TMEM132E: variants seen among roughly 807,000 people sequenced by gnomAD.
TMEM132E encodes transmembrane protein 132E.
Under a neutral mutation model 78.5 loss-of-function variants are expected in TMEM132E, and 49 were observed. That is an observed-to-expected ratio of 0.62 (90% CI 0.50 to 0.79). The LOEUF is 0.79. TMEM132E is among the 30% of genes least tolerant of loss of function. The pLI is 0.00. For missense variants in TMEM132E, 1,403 were observed against 1,470.9 expected, an observed-to-expected ratio of 0.95 and a Z score of 0.75; for synonymous variants, 715 against 670.6, an observed-to-expected ratio of 1.07 and a Z score of -1.02.
At chr17:34,625,978 A>G (rs1907102082) in intron 1 of TMEM132E, 149 bp from the exon 2 acceptor site, 2 of 729,336 alleles carry the variant, frequency 2.7e-6, no homozygotes, top group Non-Finnish European at 4.3e-6. Context: ...GTTGGGGCCC[A>G]CCGGAGGATG....
In TMEM132E at chr17:34,626,443, C is replaced by T. The variant is rs1907131245; in HGVS notation, c.384C>T (p.Ala128=). The T allele has an allele frequency of 9.9e-6, 16 of 1,613,264 alleles. No individual in the cohort carries two copies. Among genetic ancestry groups the T allele is most frequent in the Non-Finnish European group, 1.4e-5 (16 of 1,179,836 alleles). ...TGACGGTGAACTGGAAGGTGCGGGC[C>T]TTCATCGTCCGCTCGCACGTGCCCG... ...ERLTVNWKVR[A]FIVRSHVPAS... is the part of the protein sequence containing the mutation. The change falls in exon 2 of 9, where the codon GCC becomes GCT. Residue 128 remains alanine, a synonymous_variant. Coordinates refer to ENST00000631683, the MANE Select transcript of TMEM132E (RefSeq NM_001304438.2).
chr17:34,608,438 G>C (rs1326433794), intron 1 of TMEM132E, among the ~76,000 whole-genome samples: 1 of 152,200 alleles, frequency 6.6e-6, no homozygotes, highest in East Asian at 1.9e-4. Context: ...TATTCTCATG[G>C]GAGAATGGAA....
rs765080075 is a variant in TMEM132E, at chr17:34,632,902, G to C, written c.1681G>C (p.Asp561His). ...VKGWRVPILP[D>H]RRSVRESEDE... is the part of the protein sequence containing the mutation. ...GGGCTGGAGGGTACCTATCCTCCCCGACCGGAGGTACAGCCCCTCTCCCAT... is the reference window on the plus strand; with the variant it reads ...GGGCTGGAGGGTACCTATCCTCCCCCACCGGAGGTACAGCCCCTCTCCCAT... The change falls in exon 6 of 9, where the codon GAC (aspartate) becomes CAC (histidine). Residue 561 changes from aspartate (D) to histidine (H), a missense_variant. Physicochemically the swap from Asp to His is moderately conservative, Grantham distance 81 (BLOSUM62 -1). This residue lies in a region of TMEM132E where 888 missense variants were observed against 952.8 expected (regional missense o/e 0.93). Coordinates refer to ENST00000631683, the MANE Select transcript of TMEM132E (RefSeq NM_001304438.2). 6.2e-7 allele frequency: 1 copy of C among 1,613,878 alleles called. No homozygotes were observed. The highest frequency in any genetic ancestry group is 1.3e-5 in the African/African-American group (1 of 74,922).
rs991681478 is a variant in TMEM132E, at chr17:34,637,092, C to T, written c.2170-85C>T. On this transcript the variant is annotated intron_variant, in intron 8 of 8. Coordinates refer to ENST00000631683, the MANE Select transcript of TMEM132E (RefSeq NM_001304438.2). The stretch of plus-strand genomic sequence containing the variant: ...GCAGGGAGCCAGAGACCCGTGGTCC[C>T]TGCCCCTACAGAGCCCAGGATCTAG... The T allele has an allele frequency of 4.8e-6, 6 of 1,247,062 alleles. No homozygotes were observed. The African/African-American group carries it at 7.5e-5, about 16-fold the overall frequency. The allele number at this position is 1,247,062 out of a possible 1,614,324, so 77.2% of individuals were successfully genotyped here.
At chr17:34,624,391 C>T (rs145941745) in intron 1 of TMEM132E, among the ~76,000 whole-genome samples, 875 of 151,934 alleles carry the variant, frequency 5.8e-3, no homozygotes, top group Non-Finnish European at 0.011. Flanking sequence ...GCTTTCTTGG[C>T]GCAAGGCCAG....
In TMEM132E at chr17:34,632,878, G is replaced by A. The variant is rs1482942125; in HGVS notation, c.1657G>A (p.Gly553Ser). The change falls in exon 6 of 9, where the codon GGC (glycine) becomes AGC (serine). Residue 553 changes from glycine (G) to serine (S), a missense_variant. This residue lies in a region of TMEM132E where 888 missense variants were observed against 952.8 expected (regional missense o/e 0.93). Transcript: ENST00000631683. ...AGATGCCCGCCTCAGCCAAGTGAAG[G>A]GCTGGAGGGTACCTATCCTCCCCGA... ...LSDARLSQVKGWRVPILPDRR... is the reference protein window; with the variant it reads ...LSDARLSQVKSWRVPILPDRR... 5 of 1,614,206 alleles carry A rather than the reference G, an allele frequency of 3.1e-6. No individual in the cohort carries two copies. Among genetic ancestry groups the A allele is most frequent in the East Asian group, 2.2e-5 (1 of 44,880 alleles).
At chr17:34,632,944 A>G in intron 6 of TMEM132E, 35 bp downstream of exon 6, 1 of 1,610,182 alleles carries the variant, frequency 6.2e-7, no homozygotes. Context: ...TACTTGGGAA[A>G]CTCATGGGTG....
chr17:34,635,836 A>G, intron 7 of TMEM132E, 171 bp from the exon 8 acceptor site: 2 of 536,472 alleles, frequency 3.7e-6, no homozygotes, highest in South Asian at 1.2e-4. Flanking sequence ...ACCTCTGGAC[A>G]CTGGTTCCTG....
In TMEM132E at chr17:34,580,847, G is replaced by T. The variant is rs1355747046; in HGVS notation, c.-230G>T. ...GGGGCACCAGCTGGGGGAGGTGGAG[G>T]CTCCTCCCGCCCGGAGCTGCGCCCC... On this transcript the variant is annotated 5_prime_UTR_variant, in exon 1 of 9. Transcript: ENST00000631683. 1 of 456,344 alleles carries T rather than the reference G, an allele frequency of 2.2e-6. No homozygotes were observed. Among genetic ancestry groups the T allele is most frequent in the Non-Finnish European group, 3.9e-6 (1 of 257,702 alleles). 28.3% of individuals were successfully genotyped at this position (456,344 alleles called of 1,614,324 possible). A position where few individuals can be genotyped will look rare whatever the true frequency, so the allele number is the denominator to read the frequency against.
At chr17:34,629,965 G>T in intron 4 of TMEM132E, 43 bp from the exon 5 acceptor site, 1 of 1,569,842 alleles carries the variant, frequency 6.4e-7, no homozygotes. Flanking sequence ...TCCCAGGACA[G>T]AAGGGGACCA....
At chr17:34,629,346 C>A in intron 4 of TMEM132E, 142 bp downstream of exon 4, 2 of 960,916 alleles carry the variant, frequency 2.1e-6, no homozygotes, top group Non-Finnish European at 1.5e-6. Context: ...CCCAGGTATG[C>A]CTGTGTGAGA....
Position 34,633,572 on chromosome 17 carries a change from G to A in TMEM132E, c.1688+663G>A, listed in dbSNP as rs75708425. 1.8e-3 allele frequency among the ~76,000 whole-genome samples: 270 copies of A among 152,362 alleles called. 2 individuals carry two copies. The highest frequency in any genetic ancestry group is 6.1e-3 in the African/African-American group (253 of 41,588). On this transcript the variant is annotated intron_variant, in intron 6 of 8. Transcript: ENST00000631683. ...CAGAGCTGCTGGAGAGAAAAGCACA[G>A]CAGGGAAGAGAAGAGAGGAAAGTGA... is the stretch of plus-strand genomic sequence containing the variant.
intron 1 of TMEM132E, among the ~76,000 whole-genome samples, chr17:34,608,490 G>A (rs1427092049): frequency 6.6e-6 from 1 of 152,216 alleles, no homozygotes; most frequent in Admixed American, 6.5e-5. Flanking sequence ...AGAACCCAGT[G>A]AATGGTGCTG....
intron 1 of TMEM132E, among the ~76,000 whole-genome samples, chr17:34,592,878 C>A (rs895182324): frequency 5.9e-5 from 9 of 152,216 alleles, no homozygotes; most frequent in African/African-American, 2.2e-4. Flanking sequence ...CACCACTGTT[C>A]TCTCAGCCAA....
chr17:34,608,075 C>A (rs917686647), intron 1 of TMEM132E, among the ~76,000 whole-genome samples: 4 of 152,174 alleles, frequency 2.6e-5, no homozygotes, highest in Non-Finnish European at 5.9e-5. Flanking sequence ...AGGTTTCAAC[C>A]TTCTAATCAC....
chr17:34,600,614 G>C (rs1906209443), intron 1 of TMEM132E, among the ~76,000 whole-genome samples: 1 of 152,188 alleles, frequency 6.6e-6, no homozygotes, highest in South Asian at 2.1e-4. Context: ...GTCGGGGTAG[G>C]AGGGCCTGAG....
At chr17:34,628,985 C>T in intron 3 of TMEM132E, 27 bp from the exon 4 acceptor site, 6 of 1,530,716 alleles carry the variant, frequency 3.9e-6, no homozygotes, top group Non-Finnish European at 5.3e-6. Context: ...TCATCCTCTG[C>T]TCTCCTTCCC....
Position 34,637,971 on chromosome 17 carries a change from C to T in TMEM132E, c.2964C>T (p.Asp988=). 6 of 1,596,850 alleles carry T rather than the reference C, an allele frequency of 3.8e-6. No individual in the cohort carries two copies. The highest frequency in any genetic ancestry group is 5.1e-6 in the Non-Finnish European group (6 of 1,172,890). ...AGAGCCAGGTGCACGGCAGGGGCGA[C>T]GGCTCCTCGGGCGGCTCAGCCCGAG... ...SVQSQVHGRG[D]GSSGGSARDQ... The change falls in exon 9 of 9, where the codon GAC becomes GAT. Residue 988 remains aspartate (D), a synonymous_variant. Coordinates refer to ENST00000631683, the MANE Select transcript of TMEM132E (RefSeq NM_001304438.2).
intron 1 of TMEM132E, among the ~76,000 whole-genome samples, chr17:34,608,485 C>T (rs1409563912): frequency 6.6e-6 from 1 of 152,178 alleles, no homozygotes; most frequent in East Asian, 1.9e-4. Context: ...ATGCAAGAAC[C>T]CAGTGAATGG....
Sources: gnomAD v4.1 joint callset for allele counts (sites outside exome capture counted in the v4.1 genomes callset) on GRCh38, gnomAD v4.1.1 for gene constraint, gnomAD v4.1.1 regional missense constraint, MANE v1.5 for transcripts, NCBI Gene and HGNC (gene_info 2026-07-23, HGNC 2026-07-21) for gene names.